TOMM20L: variants seen among roughly 807,000 people sequenced by gnomAD.
TOMM20L encodes the protein TOMM20-like protein 1.
In TOMM20L, 19 loss-of-function variants were observed where a neutral mutation model predicts 20.4. The observed-to-expected ratio is 0.93, with a 90% CI of 0.65 to 1.36. The LOEUF (loss-of-function observed/expected upper bound fraction) is 1.36. Among genes scored for constraint, TOMM20L ranks in the 40% most tolerant of loss-of-function variants. The pLI is 0.00. For synonymous variants in TOMM20L, 75 were observed against 79.6 expected (o/e 0.94, Z 0.30); for missense variants, 218 against 203.7 (o/e 1.07, Z -0.43).
chr14:58,401,805 C>A (rs902767805), intron 2 of TOMM20L, among the ~76,000 whole-genome samples: 6 of 152,146 alleles, frequency 3.9e-5, no homozygotes, highest in African/African-American at 1.4e-4. Context: ...GAACCAACCG[C>A]AGTAAACCAA....
At chr14:58,410,977 TAA>T, downstream of TOMM20L, 1 of 1,436,318 alleles carries the variant, frequency 7.0e-7, no homozygotes, top group Non-Finnish European at 9.6e-7. Context: ...ATTTGGTTTT[TAA>T]AACAAAGATG....
chr14:58,407,202 T>C (rs1400549118), intron 3 of TOMM20L, 124 bp from the exon 4 acceptor site: 8 of 868,070 alleles, frequency 9.2e-6, no homozygotes, highest in African/African-American at 8.6e-5. Context: ...TTCACAAGAC[T>C]TGTCTAAGTA....
At chr14:58,410,249 A>AT (rs1473494618), downstream of TOMM20L, among the ~76,000 whole-genome samples, 1 of 151,326 alleles carries the variant, frequency 6.6e-6, no homozygotes, top group African/African-American at 2.4e-5. Flanking sequence ...TTTTTTTTGT[A>AT]TTTTTTGTAA....
chr14:58,408,644 C>A lies in TOMM20L; in HGVS notation c.*62C>A. Reference sequence around the variant, plus strand: ...CTATGGTACCATACAGTATAAACAACTGCTCAGTGATATTTCCATTTATTT... The same window carrying A: ...CTATGGTACCATACAGTATAAACAAATGCTCAGTGATATTTCCATTTATTT... On this transcript the variant is annotated 3_prime_UTR_variant, in exon 5 of 5. Coordinates refer to ENST00000360945, the MANE Select transcript of TOMM20L (RefSeq NM_207377.3). 1 of 1,461,016 alleles carries A rather than the reference C, an allele frequency of 6.8e-7. No individual in the cohort carries two copies. The highest frequency in any genetic ancestry group is 1.4e-5 in the African/African-American group (1 of 70,012). The allele number at this position is 1,461,016 out of a possible 1,614,324, so 90.5% of individuals were successfully genotyped here.
chr14:58,404,127 T>A (rs1316332340), intron 3 of TOMM20L, among the ~76,000 whole-genome samples: 23 of 4,132 alleles, frequency 5.6e-3, no homozygotes, highest in African/African-American at 6.1e-3. Flanking sequence ...ATATTTTTTT[T>A]TTTTTTTTTT....
chr14:58,404,852 C>T (rs918042559), intron 3 of TOMM20L, among the ~76,000 whole-genome samples: 1 of 151,980 alleles, frequency 6.6e-6, no homozygotes, highest in Non-Finnish European at 1.5e-5. Context: ...ATATTGATGA[C>T]AAAATGTACA....
At chr14:58,412,553 A>C (rs1004041446), downstream of TOMM20L, among the ~76,000 whole-genome samples, 1 of 152,126 alleles carries the variant, frequency 6.6e-6, no homozygotes, top group Non-Finnish European at 1.5e-5. Context: ...TTAAAGCCCC[A>C]TTCCTAGGAG....
intron 2 of TOMM20L, among the ~76,000 whole-genome samples, chr14:58,396,959 T>G (rs2035934466): frequency 6.6e-6 from 1 of 152,188 alleles, no homozygotes. Flanking sequence ...CCGGGAGTGG[T>G]GGCGTGTGCC....
intron 3 of TOMM20L, among the ~76,000 whole-genome samples, chr14:58,406,405 A>G (rs2036057793): frequency 6.6e-6 from 1 of 152,202 alleles, no homozygotes; most frequent in Admixed American, 6.5e-5. Flanking sequence ...TTCTCTTCCT[A>G]TAACCATGTA....
chr14:58,407,693 A>G (rs2036082984), intron 4 of TOMM20L, among the ~76,000 whole-genome samples: 1 of 152,230 alleles, frequency 6.6e-6, no homozygotes, highest in South Asian at 2.1e-4. Context: ...CAACAGTTCA[A>G]TTTTAAAGCA....
chr14:58,414,838 C>G, the TOMM20L span, among the ~76,000 whole-genome samples: 1 of 152,060 alleles, frequency 6.6e-6, no homozygotes, highest in Non-Finnish European at 1.5e-5. Context: ...AGCCTCCCCA[C>G]TCCCCAGCGA....
chr14:58,396,420 T>G, intron 2 of TOMM20L, 79 bp downstream of exon 2: 1 of 1,532,932 alleles, frequency 6.5e-7, no homozygotes, highest in Non-Finnish European at 8.9e-7. Flanking sequence ...CCTGGCGGGC[T>G]CGGCAGCAGG....
At chr14:58,409,124 T>C, downstream of TOMM20L, 1 of 1,613,908 alleles carries the variant, frequency 6.2e-7, no homozygotes, top group Middle Eastern at 1.7e-4. Context: ...ATATTCTTTG[T>C]GTCATTTTTA....
intron 2 of TOMM20L, among the ~76,000 whole-genome samples, chr14:58,399,514 C>T (rs900348449): frequency 6.6e-6 from 1 of 152,102 alleles, no homozygotes; most frequent in Non-Finnish European, 1.5e-5. Flanking sequence ...GTCCAAGAAA[C>T]TGCAGTTTTA....
At chr14:58,416,094 G>A in the TOMM20L span, among the ~76,000 whole-genome samples, 1 of 151,776 alleles carries the variant, frequency 6.6e-6, no homozygotes, top group African/African-American at 2.4e-5. Flanking sequence ...TGGCCGTGGT[G>A]GCACACACCT....
intron 4 of TOMM20L, among the ~76,000 whole-genome samples, chr14:58,408,192 G>A (rs1385324614): frequency 1.3e-5 from 2 of 152,088 alleles, no homozygotes; most frequent in African/African-American, 2.4e-5. Flanking sequence ...TGAGGCAGGC[G>A]GATCACCTGA....
chr14:58,416,827 G>A, the TOMM20L span, among the ~76,000 whole-genome samples: 71 of 152,250 alleles, frequency 4.7e-4, no homozygotes, highest in African/African-American at 1.6e-3. Context: ...AAGGAAAAAG[G>A]CCAGGTGTCG....
intron 3 of TOMM20L, among the ~76,000 whole-genome samples, chr14:58,406,802 CTG>C (rs900525721): frequency 6.6e-6 from 1 of 152,192 alleles, no homozygotes; most frequent in Non-Finnish European, 1.5e-5. Context: ...CACTTTAAAA[CTG>C]TGCTTAGAAA....
rs767446077 is a variant in TOMM20L at position 58,408,574 on chromosome 14, C to A, written c.451C>A (p.Pro151Thr). The change falls in exon 5 of 5, where the codon CCT becomes ACT. Residue 151 changes from proline (P) to threonine (T), a missense_variant. Pro to Thr is a conservative substitution (Grantham distance 38). Coordinates refer to ENST00000360945, the MANE Select transcript of TOMM20L (RefSeq NM_207377.3). ...TGAACAGGACTGCTTGGAGGATGAT[C>A]CTGATTGAAAAACATTTCAACGTAT... ...MNEQDCLEDDPD is the reference protein window; with the variant it reads ...MNEQDCLEDDTD The A allele has an allele frequency of 1.2e-6, 2 of 1,613,936 alleles. No homozygotes were observed. The highest frequency in any genetic ancestry group is 1.7e-6 in the Non-Finnish European group (2 of 1,179,932).
Sources: allele counts gnomAD v4.1 joint callset (sites outside exome capture counted in the v4.1 genomes callset), GRCh38; gene constraint gnomAD v4.1.1; transcripts MANE v1.5; gene names NCBI Gene and HGNC (gene_info 2026-07-23, HGNC 2026-07-21).